The following NXPE2 variants were observed in gnomAD, a reference collection of about 807,000 sequenced individuals.
The protein encoded by NXPE2 is neurexophilin and PC-esterase domain family member 2.
Under a neutral mutation model 34.4 loss-of-function variants are expected in NXPE2, and 34 were observed. That is an observed-to-expected ratio of 0.99 (90% CI 0.75 to 1.31). NXPE2 has a LOEUF of 1.31. Among genes scored for constraint, NXPE2 ranks in the 40% most tolerant of loss-of-function variants. The pLI, the probability that NXPE2 is intolerant of heterozygous loss-of-function variation, is 0.00. For synonymous variants in NXPE2, 235 were observed against 231.3 expected, an observed-to-expected ratio of 1.02 and a Z score of -0.15; for missense variants, 649 against 672.5, an observed-to-expected ratio of 0.97 and a Z score of 0.39.
chr11:114,699,163 T>C (rs1951319510), intron 3 of NXPE2, among the ~76,000 whole-genome samples: 1 of 152,202 alleles, frequency 6.6e-6, no homozygotes, highest in Non-Finnish European at 1.5e-5. Flanking sequence ...AGTCGAGCTT[T>C]ACCCCTTACA....
chr11:114,806,250 CAG>C, the NXPE2 span, among the ~76,000 whole-genome samples: 7 of 152,252 alleles, frequency 4.6e-5, no homozygotes, highest in South Asian at 1.0e-3. Flanking sequence ...GGGAAAAAAA[CAG>C]AGCAGAAAAA....
chr11:114,755,743 TC>T, the NXPE2 span, among the ~76,000 whole-genome samples: 13 of 121,030 alleles, frequency 1.1e-4, no homozygotes, highest in African/African-American at 4.0e-4. Flanking sequence ...CCCATCTCTC[TC>T]TCTCTCTCTC....
the NXPE2 span, among the ~76,000 whole-genome samples, chr11:114,775,035 C>T: frequency 6.6e-6 from 1 of 152,204 alleles, no homozygotes; most frequent in Non-Finnish European, 1.5e-5. Context: ...GGGGGGATGA[C>T]GATATGACAG....
chr11:114,534,298 C>A, the NXPE2 span, among the ~76,000 whole-genome samples: 1 of 152,110 alleles, frequency 6.6e-6, no homozygotes, highest in African/African-American at 2.4e-5. Context: ...TAACCATCAT[C>A]AAAGACCAAA....
At chr11:114,528,194 C>T in the NXPE2 span, among the ~76,000 whole-genome samples, 1 of 152,188 alleles carries the variant, frequency 6.6e-6, no homozygotes, top group South Asian at 2.1e-4. Context: ...GTTCTCTTCT[C>T]TCTTTCTGCT....
chr11:114,751,005 G>A, the NXPE2 span, among the ~76,000 whole-genome samples: 3 of 152,050 alleles, frequency 2.0e-5, no homozygotes, highest in Non-Finnish European at 4.4e-5. Context: ...GTGGAGTGAA[G>A]GTCCTGTTTT....
At chr11:114,771,225 C>T in the NXPE2 span, among the ~76,000 whole-genome samples, 6 of 151,614 alleles carry the variant, frequency 4.0e-5, no homozygotes, top group African/African-American at 1.5e-4. Flanking sequence ...CCTGTATCCC[C>T]TCTCCCTCTC....
chr11:114,500,922 T>C, the NXPE2 span, among the ~76,000 whole-genome samples: 1 of 152,172 alleles, frequency 6.6e-6, no homozygotes, highest in African/African-American at 2.4e-5. Flanking sequence ...GAAAATCAGT[T>C]GAGTGTGTTT....
chr11:114,683,612 G>A (rs1392579632), intron 2 of NXPE2, among the ~76,000 whole-genome samples: 1 of 151,980 alleles, frequency 6.6e-6, no homozygotes, highest in Non-Finnish European at 1.5e-5. Flanking sequence ...GTAGACATGG[G>A]GTTTCACCAT....
At chr11:114,601,937 ATT>A in the NXPE2 span, among the ~76,000 whole-genome samples, 65 of 82,084 alleles carry the variant, frequency 7.9e-4, no homozygotes, top group African/African-American at 3.1e-3. Flanking sequence ...ATTTATATAT[ATT>A]ATATAATTAT....
the NXPE2 span, among the ~76,000 whole-genome samples, chr11:114,519,550 C>T: frequency 6.6e-6 from 1 of 152,078 alleles, no homozygotes; most frequent in African/African-American, 2.4e-5. Flanking sequence ...ACTGTGGAAA[C>T]ATTATTCTTT....
chr11:114,598,674 C>A, the NXPE2 span, among the ~76,000 whole-genome samples: 1 of 151,844 alleles, frequency 6.6e-6, no homozygotes, highest in South Asian at 2.1e-4. Context: ...CCTCTTTGAG[C>A]CATGGCTGGA....
chr11:114,488,442 A>G, the NXPE2 span, among the ~76,000 whole-genome samples: 3 of 152,086 alleles, frequency 2.0e-5, no homozygotes, highest in Non-Finnish European at 2.9e-5. Context: ...GAAAACATCA[A>G]CTTTCCTAGT....
the NXPE2 span, among the ~76,000 whole-genome samples, chr11:114,794,858 C>CG: frequency 6.6e-6 from 1 of 151,646 alleles, no homozygotes; most frequent in African/African-American, 2.4e-5. Flanking sequence ...CCCGCCCCCC[C>CG]CAACCCCATC....
At chr11:114,744,035 T>TGA in the NXPE2 span, among the ~76,000 whole-genome samples, 1 of 151,530 alleles carries the variant, frequency 6.6e-6, no homozygotes, top group Admixed American at 6.6e-5. Flanking sequence ...GCTCTCTCAT[T>TGA]GCTCTTGGGG....
the NXPE2 span, among the ~76,000 whole-genome samples, chr11:114,532,465 G>C: frequency 6.6e-6 from 1 of 151,994 alleles, no homozygotes; most frequent in Non-Finnish European, 1.5e-5. Flanking sequence ...ATAACAGTAA[G>C]AATAAGAATA....
chr11:114,532,216 GATA>G, the NXPE2 span, among the ~76,000 whole-genome samples: 3 of 152,094 alleles, frequency 2.0e-5, no homozygotes, highest in Admixed American at 2.0e-4. Context: ...AAGACAATGA[GATA>G]TCATTTAAAA....
the NXPE2 span, among the ~76,000 whole-genome samples, chr11:114,771,548 T>C: frequency 1.3e-5 from 2 of 152,112 alleles, no homozygotes; most frequent in African/African-American, 2.4e-5. Flanking sequence ...ACAGGTCAAC[T>C]GGGAGGGAGG....
chr11:114,686,339 G>A (rs1294675687), intron 2 of NXPE2, among the ~76,000 whole-genome samples: 2 of 151,958 alleles, frequency 1.3e-5, no homozygotes, highest in African/African-American at 2.4e-5. Flanking sequence ...CCAACGTTTA[G>A]CTCTCACTTA....
Sources: gnomAD v4.1 joint callset for allele counts (sites outside exome capture counted in the v4.1 genomes callset) on GRCh38, gnomAD v4.1.1 for gene constraint, MANE v1.5 for transcripts, NCBI Gene and HGNC (gene_info 2026-07-23, HGNC 2026-07-21) for gene names.